FAS: variants seen among roughly 807,000 people sequenced by gnomAD.
The protein encoded by FAS is tumor necrosis factor receptor superfamily member 6.
Under a neutral mutation model 33.2 loss-of-function variants are expected in FAS, and 5 were observed. That is an observed-to-expected ratio of 0.15 (90% CI 0.08 to 0.32). FAS has a LOEUF of 0.32. FAS is among the 10% of genes least tolerant of loss of function. The pLI is 1.00. For synonymous variants in FAS, 131 were observed against 130.7 expected (o/e 1.00, Z -0.01); for missense variants, 339 against 386.0 (o/e 0.88, Z 1.02).
chr10:88,990,970 G>A lies in FAS; in HGVS notation c.30+64G>A. ...TTAGTCCCGGGGATAGGCAAAGTGG[G>A]GCGGGCGCGGGACGCGTGCGGGATT... On this transcript the variant is annotated intron_variant, in intron 1 of 8. Transcript: ENST00000652046. This position sits in a 1 kb window ranked among gnomAD's most constrained non-coding sequence, Gnocchi z 4.9. 3 of 1,610,314 alleles carry A rather than the reference G, an allele frequency of 1.9e-6. No homozygotes were observed. Among genetic ancestry groups the A allele is most frequent in the Non-Finnish European group, 2.5e-6 (3 of 1,176,852 alleles).
upstream of FAS, among the ~76,000 whole-genome samples, chr10:88,983,415 A>C (rs1846760274): frequency 6.6e-6 from 1 of 152,206 alleles, no homozygotes. Context: ...TAGGGAGTTT[A>C]CATCTTGATG....
upstream of FAS, among the ~76,000 whole-genome samples, chr10:88,989,238 T>G (rs1325809524): frequency 6.6e-6 from 1 of 152,192 alleles, no homozygotes; most frequent in African/African-American, 2.4e-5. Context: ...AGATACTGAT[T>G]TTGTCAATTG....
At chr10:88,997,389 A>G (rs1847664793) in intron 1 of FAS, among the ~76,000 whole-genome samples, 1 of 152,194 alleles carries the variant, frequency 6.6e-6, no homozygotes, top group Non-Finnish European at 1.5e-5. Flanking sequence ...TATTTTATTT[A>G]TGGCTTGGCC....
chr10:89,004,551 C>A (rs1418979715), intron 2 of FAS, among the ~76,000 whole-genome samples: 2 of 143,270 alleles, frequency 1.4e-5, no homozygotes, highest in Non-Finnish European at 3.0e-5. Flanking sequence ...GCTAAGATAG[C>A]AATTAATTTA....
Position 89,015,016 on chromosome 10 carries a change from C to A in FAS, c.*566C>A, listed in dbSNP as rs886047463. 3 of 533,280 alleles carry A rather than the reference C, an allele frequency of 5.6e-6. No individual in the cohort carries two copies. The highest frequency in any genetic ancestry group is 3.7e-5 in the African/African-American group (2 of 53,794). 33.0% of individuals were successfully genotyped at this position (533,280 alleles called of 1,614,324 possible). A position where few individuals can be genotyped will look rare whatever the true frequency, so the allele number is the denominator to read the frequency against. On this transcript the variant is annotated 3_prime_UTR_variant, in exon 9 of 9. Coordinates refer to ENST00000652046, the MANE Select transcript of FAS (RefSeq NM_000043.6). ...TTTAAATAAGGCTCTACCTCAAAGA[C>A]CTTTGCACAGTTTATTGGTGTCATA...
intron 2 of FAS, 149 bp downstream of exon 2, chr10:89,003,343 A>G: frequency 1.1e-6 from 1 of 893,858 alleles, no homozygotes; most frequent in East Asian, 2.6e-5. Context: ...ATTATTTTCC[A>G]AAGATGAGTT....
intron 1 of FAS, among the ~76,000 whole-genome samples, chr10:88,995,727 G>A (rs72809371): frequency 2.3e-3 from 349 of 152,266 alleles, no homozygotes; most frequent in Non-Finnish European, 3.9e-3. Context: ...TCGGGAGGTC[G>A]CGGCAGGAGA....
chr10:88,970,897 GTA>G (rs1352374439), intron 1 of FAS, among the ~76,000 whole-genome samples: 1 of 150,386 alleles, frequency 6.6e-6, no homozygotes, highest in African/African-American at 2.5e-5. Flanking sequence ...GTGTGTGTGT[GTA>G]TATATATAAA....
chr10:89,000,914 T>C (rs1847890114), intron 1 of FAS, among the ~76,000 whole-genome samples: 1 of 148,386 alleles, frequency 6.7e-6, no homozygotes, highest in South Asian at 2.2e-4. Context: ...CGTCATAGTG[T>C]GCATTCCTGT....
chr10:88,965,585 G>A (rs1220142043), intron 1 of FAS, among the ~76,000 whole-genome samples: 2 of 151,888 alleles, frequency 1.3e-5, no homozygotes, highest in Non-Finnish European at 2.9e-5. Context: ...CCAACATATC[G>A]ACCACCAAAA....
At chr10:88,982,271 C>T (rs1478254597), upstream of FAS, among the ~76,000 whole-genome samples, 2 of 152,152 alleles carry the variant, frequency 1.3e-5, no homozygotes, top group African/African-American at 2.4e-5. Flanking sequence ...ATAAAACCCA[C>T]TAAATGGTAC....
chr10:89,000,892 C>CA, intron 1 of FAS, among the ~76,000 whole-genome samples: 1 of 134,674 alleles, frequency 7.4e-6, no homozygotes, highest in Admixed American at 7.6e-5. Context: ...ACTAAAAATA[C>CA]AAAAAATTAG....
At chr10:88,984,199 G>T (rs577590625), upstream of FAS, among the ~76,000 whole-genome samples, 22 of 152,314 alleles carry the variant, frequency 1.4e-4, no homozygotes, top group South Asian at 6.2e-4. Context: ...TCTAACAACT[G>T]CAAAGTGTTC....
At chr10:88,972,382 G>C (rs941509300) in intron 1 of FAS, among the ~76,000 whole-genome samples, 1 of 152,126 alleles carries the variant, frequency 6.6e-6, no homozygotes. Flanking sequence ...GGAGTTTTGA[G>C]AACAGGGAGT....
intron 1 of FAS, 21 bp from the exon 2 acceptor site, chr10:89,003,008 C>G (rs2133469932): frequency 6.2e-7 from 1 of 1,613,778 alleles, no homozygotes; most frequent in South Asian, 1.1e-5. Flanking sequence ...ATAAAATTCT[C>G]TTCATGCTTT....
At position 89,016,124 on chromosome 10, in the gene FAS, G is replaced by C. The variant is rs1215966151; in HGVS notation, c.*1674G>C. 1 of 223,018 alleles carries C rather than the reference G, an allele frequency of 4.5e-6. No homozygotes were observed. The highest frequency in any genetic ancestry group is 6.6e-5 in the East Asian group (1 of 15,168). The allele number at this position is 223,018 out of a possible 1,614,324, so 13.8% of individuals were successfully genotyped here. ...TCTTTCCTGCATATTATCCATTCTA[G>C]CTACATGCTGGCCAGTGGGCCACCT... is the stretch of plus-strand genomic sequence containing the variant. On this transcript the variant is annotated 3_prime_UTR_variant, in exon 9 of 9. Transcript: ENST00000652046.
chr10:88,989,810 C>A (rs1324469862), upstream of FAS, among the ~76,000 whole-genome samples: 2 of 151,976 alleles, frequency 1.3e-5, no homozygotes, highest in African/African-American at 2.4e-5. Context: ...GTGGACGATG[C>A]CAAAGGAATA....
At chr10:88,987,904 A>G (rs1010260020), upstream of FAS, among the ~76,000 whole-genome samples, 1 of 152,322 alleles carries the variant, frequency 6.6e-6, no homozygotes, top group South Asian at 2.1e-4. Context: ...TTTGCTTTCT[A>G]TAATGTCAAT....
At chr10:88,970,352 T>C (rs762020158) in intron 1 of FAS, among the ~76,000 whole-genome samples, 2 of 152,326 alleles carry the variant, frequency 1.3e-5, no homozygotes, top group Admixed American at 1.3e-4. Context: ...TCCTCTTCGC[T>C]GAGTTCCTTT....
Sources: allele counts gnomAD v4.1 joint callset (sites outside exome capture counted in the v4.1 genomes callset), GRCh38; gene constraint gnomAD v4.1.1; non-coding constraint Gnocchi (gnomAD v3.1); transcripts MANE v1.5; gene names NCBI Gene and HGNC (gene_info 2026-07-23, HGNC 2026-07-21).